Variants in NALF1 observed in about 807,000 individuals in gnomAD.
NALF1 encodes the protein NALCN channel auxiliary factor 1, also known as family with sequence similarity 155 member A.
A neutral mutation model predicts 48.4 loss-of-function variants in NALF1; 3 were observed. That is an observed-to-expected ratio of 0.06 (90% CI 0.03 to 0.16). NALF1 has a LOEUF of 0.16. Among genes scored for constraint, NALF1 ranks in the 10% least tolerant of loss-of-function variants. NALF1 has a pLI of 1.00. For missense variants in NALF1, 526 were observed against 571.5 expected (o/e 0.92, Z 0.81); for synonymous variants, 262 against 245.7 (o/e 1.07, Z -0.62).
chr13:107,556,675 C>CA lies in NALF1; in HGVS notation c.915+309006_915+309007insT, dbSNP rs1002147220. 2.0e-3 allele frequency among the ~76,000 whole-genome samples: 140 copies of CA among 71,440 alleles called. 1 individual carries two copies. Among genetic ancestry groups the CA allele is most frequent in the Middle Eastern group, 6.3e-3 (1 of 160 alleles). The allele number at this position is 71,440 out of a possible 152,430, so 46.9% of individuals were successfully genotyped here. ...CCCAGCTTTTTGTATTTATTAGAGA[C>CA]GGGGTTCACCATGTTAGTCAGGCTG... is the stretch of plus-strand genomic sequence containing the variant. On this transcript the variant is annotated intron_variant, in intron 1 of 2. Transcript: ENST00000375915.
At chr13:107,187,643 C>T (rs537964424) in intron 2 of NALF1, among the ~76,000 whole-genome samples, 2 of 152,302 alleles carry the variant, frequency 1.3e-5, no homozygotes, top group East Asian at 1.9e-4. Context: ...GGAATGGAGA[C>T]AGCCGGGCAG....
chr13:107,822,659 G>C (rs1879393055), intron 1 of NALF1, among the ~76,000 whole-genome samples: 1 of 152,186 alleles, frequency 6.6e-6, no homozygotes, highest in South Asian at 2.1e-4. Flanking sequence ...AAAGTGCTGA[G>C]ATCCTTCTTT....
intron 1 of NALF1, among the ~76,000 whole-genome samples, chr13:107,222,215 T>C (rs1371046960): frequency 6.6e-6 from 1 of 152,136 alleles, no homozygotes; most frequent in Non-Finnish European, 1.5e-5. Flanking sequence ...GAAGCTTATT[T>C]TTCTGGTCCC....
chr13:107,735,456 C>A (rs749861148), intron 1 of NALF1, among the ~76,000 whole-genome samples: 1 of 152,166 alleles, frequency 6.6e-6, no homozygotes, highest in Non-Finnish European at 1.5e-5. Flanking sequence ...TGCTGACTAG[C>A]TCTCTTTATC....
At chr13:107,268,811 C>G (rs1052374489) in intron 1 of NALF1, among the ~76,000 whole-genome samples, 4 of 152,164 alleles carry the variant, frequency 2.6e-5, no homozygotes, top group Non-Finnish European at 4.4e-5. Flanking sequence ...ATAAAAGTTT[C>G]ATTTGCCAAA....
At chr13:107,610,461 A>G (rs1879196092) in intron 1 of NALF1, among the ~76,000 whole-genome samples, 1 of 152,222 alleles carries the variant, frequency 6.6e-6, no homozygotes, top group Admixed American at 6.5e-5. Flanking sequence ...AAAAAAAGAC[A>G]GTATGATACA....
chr13:107,671,006 G>C (rs1880978019), intron 1 of NALF1, among the ~76,000 whole-genome samples: 1 of 151,958 alleles, frequency 6.6e-6, no homozygotes, highest in Admixed American at 6.6e-5. Context: ...CTGTCACTTT[G>C]AATCAGTCAT....
At chr13:107,544,068 C>A (rs1297392493) in intron 1 of NALF1, among the ~76,000 whole-genome samples, 2 of 152,066 alleles carry the variant, frequency 1.3e-5, no homozygotes, top group Non-Finnish European at 2.9e-5. Context: ...TTTTGATACT[C>A]AAACATATCA....
At position 107,323,200 on chromosome 13, in the gene NALF1, G is replaced by A. The variant is rs534045600; in HGVS notation, c.916-112445C>T. 2.6e-5 allele frequency among the ~76,000 whole-genome samples: 4 copies of A among 152,194 alleles called. No individual in the cohort carries two copies. The East Asian group carries it at 7.7e-4, about 29-fold the overall frequency. ...TCTCTATCTCCACAAAATTGCAAAT[G>A]CTTCCGTGCTATAGAACTTCTGATT... On this transcript the variant is annotated intron_variant, in intron 1 of 2. Transcript: ENST00000375915.
intron 1 of NALF1, among the ~76,000 whole-genome samples, chr13:107,721,306 C>G (rs961667618): frequency 9.9e-5 from 15 of 152,146 alleles, no homozygotes; most frequent in African/African-American, 3.6e-4. Flanking sequence ...TCCGCCAGCA[C>G]CCAGCAACAA....
At chr13:107,770,336 G>C (rs2138569462) in intron 1 of NALF1, among the ~76,000 whole-genome samples, 1 of 152,278 alleles carries the variant, frequency 6.6e-6, no homozygotes, top group African/African-American at 2.4e-5. Context: ...AGTTCTCCTT[G>C]AAAGTGTAGA....
chr13:107,544,785 G>C (rs1291401906), intron 1 of NALF1, among the ~76,000 whole-genome samples: 2 of 152,146 alleles, frequency 1.3e-5, no homozygotes, highest in Non-Finnish European at 2.9e-5. Flanking sequence ...AAAGTGGGGA[G>C]CATTCAGCAC....
chr13:107,728,585 G>A (rs542629840), intron 1 of NALF1, among the ~76,000 whole-genome samples: 4 of 152,068 alleles, frequency 2.6e-5, no homozygotes, highest in East Asian at 3.9e-4. Flanking sequence ...TAATGCATGC[G>A]GGGCTTAAAA....
intron 1 of NALF1, among the ~76,000 whole-genome samples, chr13:107,507,706 T>C (rs1335625420): frequency 1.3e-5 from 2 of 151,822 alleles, no homozygotes; most frequent in Non-Finnish European, 2.9e-5. Flanking sequence ...TCTTACATTG[T>C]CTCAGCCTCT....
chr13:107,475,406 C>A (rs894177051), intron 1 of NALF1, among the ~76,000 whole-genome samples: 1 of 152,152 alleles, frequency 6.6e-6, no homozygotes. Flanking sequence ...CTCTTGAAAT[C>A]AGCTGAACTT....
At chr13:107,275,441 T>C (rs1047395826) in intron 1 of NALF1, among the ~76,000 whole-genome samples, 3 of 152,152 alleles carry the variant, frequency 2.0e-5, no homozygotes, top group Non-Finnish European at 4.4e-5. Context: ...GTCAATCAAT[T>C]CTGTCAACCT....
At chr13:107,338,772 T>C (rs536707903) in intron 1 of NALF1, among the ~76,000 whole-genome samples, 1 of 152,276 alleles carries the variant, frequency 6.6e-6, no homozygotes, top group South Asian at 2.1e-4. Context: ...TCTGATGCTA[T>C]GTAATGTTGG....
chr13:107,674,766 A>T (rs899192265), intron 1 of NALF1, among the ~76,000 whole-genome samples: 6 of 152,210 alleles, frequency 3.9e-5, no homozygotes, highest in African/African-American at 1.4e-4. Flanking sequence ...TTTCAAAAGC[A>T]TAGAAGAGGA....
chr13:107,413,113 G>C (rs1261071563), intron 1 of NALF1, among the ~76,000 whole-genome samples: 1 of 152,110 alleles, frequency 6.6e-6, no homozygotes, highest in Admixed American at 6.5e-5. Flanking sequence ...GGGTAGAAGG[G>C]AACACAATGT....
Sources: gnomAD v4.1 joint callset for allele counts (sites outside exome capture counted in the v4.1 genomes callset) on GRCh38, gnomAD v4.1.1 for gene constraint, MANE v1.5 for transcripts, NCBI Gene and HGNC (gene_info 2026-07-23, HGNC 2026-07-21) for gene names.